Variants in CD200R1L observed in about 807,000 individuals in gnomAD.
CD200R1L encodes the protein cell surface glycoprotein CD200 receptor 2.
A neutral mutation model predicts 24.8 loss-of-function variants in CD200R1L; 14 were observed. The ratio of observed to expected loss-of-function variants is 0.56; its 90% confidence interval spans 0.37 to 0.88. The LOEUF is 0.88. Ranked by LOEUF, CD200R1L falls within the 40% of genes least tolerant of loss-of-function variation. The probability of loss-of-function intolerance (pLI) is 0.00; values close to 1 mark genes in which losing one functional copy is unlikely to be tolerated. For missense variants in CD200R1L, 299 were observed against 297.8 expected (o/e 1.00, Z -0.03); for synonymous variants, 111 against 109.2 (o/e 1.02, Z -0.11).
At chr3:112,836,553 C>T (rs1559925312) in intron 3 of CD200R1L, among the ~76,000 whole-genome samples, 1 of 152,238 alleles carries the variant, frequency 6.6e-6, no homozygotes, top group Non-Finnish European at 1.5e-5. Flanking sequence ...ATGCTTAAGA[C>T]TCAGTCTTGC....
chr3:112,838,068 T>A (rs1938999227), intron 2 of CD200R1L, 58 bp from the exon 3 acceptor site: 2 of 627,888 alleles, frequency 3.2e-6, no homozygotes, highest in Admixed American at 7.5e-5. Context: ...TTTACTGAAA[T>A]GGACTAGAAT....
chr3:112,829,100 G>A (rs1468250116), intron 4 of CD200R1L, among the ~76,000 whole-genome samples: 1 of 152,202 alleles, frequency 6.6e-6, no homozygotes, highest in Non-Finnish European at 1.5e-5. Flanking sequence ...GCTCCTTCCA[G>A]CACTCCACCT....
rs1289850366 is a variant in CD200R1L, at chr3:112,827,014, G to A, written c.595C>T (p.Leu199=). Residue 199 remains leucine (L), a synonymous_variant, in exon 6 of 8, where the codon CTG becomes TTG. Coordinates refer to ENST00000488794, the MANE Select transcript of CD200R1L (RefSeq NM_001199215.3). Reference sequence around the variant, plus strand: ...TTACCTGAATTCAACTTTACGGACAGACTCTTGTTGCCAGTCAAATGGGAG... The same window carrying A: ...TTACCTGAATTCAACTTTACGGACAAACTCTTGTTGCCAGTCAAATGGGAG... ...HVSHLTGNKS[L]SVKLNSGLRT... 6.8e-6 allele frequency: 11 copies of A among 1,610,010 alleles called. No homozygotes were observed. Among genetic ancestry groups the A allele is most frequent in the African/African-American group, 1.3e-5 (1 of 74,796 alleles).
chr3:112,844,849 A>G (rs987316278), intron 2 of CD200R1L, among the ~76,000 whole-genome samples: 3 of 152,130 alleles, frequency 2.0e-5, no homozygotes, highest in South Asian at 2.1e-4. Context: ...TCTTGAACCC[A>G]GGAGGCAGAG....
At chr3:112,824,625 C>T (rs1423739770) in intron 6 of CD200R1L, among the ~76,000 whole-genome samples, 3 of 152,026 alleles carry the variant, frequency 2.0e-5, no homozygotes, top group Admixed American at 6.5e-5. Flanking sequence ...CTTAAGAAAA[C>T]GAAAAAGTTG....
chr3:112,833,100 C>T (rs926091808), intron 3 of CD200R1L, among the ~76,000 whole-genome samples: 2 of 152,090 alleles, frequency 1.3e-5, no homozygotes, highest in East Asian at 1.9e-4. Context: ...TATCCCCTCT[C>T]GAAAAAAGGA....
rs890598065 is a variant in CD200R1L, at chr3:112,819,948, A to G, written c.617-53T>C. The stretch of plus-strand genomic sequence containing the variant: ...CATTTCAAGCATTCTTCTAGTTACA[A>G]ATTAGAGTCAATCATTTTAAAGAAC... On this transcript the variant is annotated intron_variant, in intron 6 of 7. Coordinates refer to ENST00000488794, the MANE Select transcript of CD200R1L (RefSeq NM_001199215.3). 8.9e-6 allele frequency: 13 copies of G among 1,465,432 alleles called. No homozygotes were observed. In the African/African-American group the frequency reaches 1.6e-4, roughly 18 times the overall value. The allele number at this position is 1,465,432 out of a possible 1,614,324, so 90.8% of individuals were successfully genotyped here.
chr3:112,827,759 A>G, intron 4 of CD200R1L, 75 bp from the exon 5 acceptor site: 1 of 1,349,920 alleles, frequency 7.4e-7, no homozygotes, highest in Non-Finnish European at 1.0e-6. Flanking sequence ...TATCCACAGT[A>G]TATTACATGA....
chr3:112,841,238 C>T, intron 2 of CD200R1L: 1 of 445,770 alleles, frequency 2.2e-6, no homozygotes, highest in Non-Finnish European at 4.5e-6. Context: ...GTGTGTAGCA[C>T]CTCCTCACCT....
At chr3:112,840,917 A>G (rs1258474041) in intron 2 of CD200R1L, among the ~76,000 whole-genome samples, 1 of 152,218 alleles carries the variant, frequency 6.6e-6, no homozygotes, top group African/African-American at 2.4e-5. Flanking sequence ...ATTATTTAAA[A>G]GTAATTGTGG....
chr3:112,827,548 T>G lies in CD200R1L; in HGVS notation c.186A>C (p.Lys62Asn). The stretch of plus-strand genomic sequence containing the variant: ...TGGTTTCCTTGGTCTCATTTGTTTC[T>G]TTCTTGTAGGCTTTTGTGCAGGAAG... ...GQPSCTKAYKKETNETKETNC... is the reference protein window; with the variant it reads ...GQPSCTKAYKNETNETKETNC... The change falls in exon 5 of 8, where the codon AAA becomes AAC. Residue 62 changes from lysine (K) to asparagine (N), a missense_variant. Transcript: ENST00000488794. 1.2e-6 allele frequency: 2 copies of G among 1,614,174 alleles called. No individual in the cohort carries two copies. The highest frequency in any genetic ancestry group is 1.7e-6 in the Non-Finnish European group (2 of 1,180,006).
At position 112,845,724 on chromosome 3, in the gene CD200R1L, T is replaced by A; in HGVS notation, c.-132A>T. The A allele has an allele frequency of 6.2e-7, 1 of 1,613,068 alleles. No homozygotes were observed. The highest frequency in any genetic ancestry group is 2.2e-5 in the East Asian group (1 of 44,826). On this transcript the variant is annotated 5_prime_UTR_variant, in exon 2 of 8. It removes an upstream start codon present in the reference 5' UTR. Coordinates refer to ENST00000488794, the MANE Select transcript of CD200R1L (RefSeq NM_001199215.3). ...GAAATCAGTAATCTTGGAGCTGACA[T>A]CTTCCCTAAAGTATGCTTTTGGAGT... is the stretch of plus-strand genomic sequence containing the variant.
intron 7 of CD200R1L, 74 bp downstream of exon 7, chr3:112,819,698 T>C (rs1938484510): frequency 2.7e-6 from 4 of 1,465,616 alleles, no homozygotes; most frequent in Admixed American, 2.6e-5. Context: ...CCCAGTACAT[T>C]GTAAACTCAA....
At chr3:112,825,381 A>G (rs1397027997) in intron 6 of CD200R1L, among the ~76,000 whole-genome samples, 1 of 149,792 alleles carries the variant, frequency 6.7e-6, no homozygotes, top group Non-Finnish European at 1.5e-5. Flanking sequence ...TTAAAAAGCT[A>G]ATAAAATATT....
At chr3:112,830,147 A>C (rs1214634030) in intron 3 of CD200R1L, among the ~76,000 whole-genome samples, 1 of 152,212 alleles carries the variant, frequency 6.6e-6, no homozygotes, top group Non-Finnish European at 1.5e-5. Context: ...CTTAACATAA[A>C]GAATATGAAA....
intron 6 of CD200R1L, among the ~76,000 whole-genome samples, chr3:112,822,584 A>C (rs1938561511): frequency 6.6e-6 from 1 of 152,194 alleles, no homozygotes; most frequent in South Asian, 2.1e-4. Context: ...ACTCCCAGAG[A>C]CATCACGGAA....
chr3:112,844,871 C>T (rs1273437107), intron 2 of CD200R1L, among the ~76,000 whole-genome samples: 1 of 152,012 alleles, frequency 6.6e-6, no homozygotes, highest in Non-Finnish European at 1.5e-5. Flanking sequence ...TTGCAGTGAG[C>T]CAAGATGGCA....
intron 6 of CD200R1L, among the ~76,000 whole-genome samples, chr3:112,822,128 G>A (rs574233351): frequency 6.6e-6 from 1 of 152,210 alleles, no homozygotes. Flanking sequence ...ACCTTACACT[G>A]TGCTGAGAGT....
intron 7 of CD200R1L, among the ~76,000 whole-genome samples, chr3:112,816,536 C>T (rs1938395537): frequency 6.6e-6 from 1 of 152,152 alleles, no homozygotes; most frequent in South Asian, 2.1e-4. Flanking sequence ...TGAAAAATTA[C>T]ATGGATAGAC....
Sources: allele counts gnomAD v4.1 joint callset (sites outside exome capture counted in the v4.1 genomes callset), GRCh38; gene constraint gnomAD v4.1.1; transcripts MANE v1.5; gene names NCBI Gene and HGNC (gene_info 2026-07-23, HGNC 2026-07-21).